CSNK1G3: variants seen among roughly 807,000 people sequenced by gnomAD.
CSNK1G3 encodes the protein casein kinase 1 gamma 3, also known as casein kinase I isoform gamma-3.
In CSNK1G3, 23 loss-of-function variants were observed where a neutral mutation model predicts 64.3. The observed-to-expected ratio is 0.36, with a 90% confidence interval of 0.26 to 0.51. The LOEUF is 0.51. Ranked by LOEUF, CSNK1G3 falls within the 20% of genes least tolerant of loss-of-function variation. The pLI is 0.96. For missense variants in CSNK1G3, 357 were observed against 510.5 expected (o/e 0.70, Z 2.90); for synonymous variants, 158 against 162.2 (o/e 0.97, Z 0.20).
At chr5:123,520,954 T>C (rs1189752304) in intron 1 of CSNK1G3, among the ~76,000 whole-genome samples, 2 of 152,198 alleles carry the variant, frequency 1.3e-5, no homozygotes, top group East Asian at 3.9e-4. Flanking sequence ...TAGCAATGAA[T>C]ACTTTCAAGT....
At chr5:123,514,684 A>T (rs1455388206) in intron 1 of CSNK1G3, among the ~76,000 whole-genome samples, 1 of 151,272 alleles carries the variant, frequency 6.6e-6, no homozygotes, top group Non-Finnish European at 1.5e-5. Flanking sequence ...GCCTTAACAT[A>T]GTTTAATAGG....
At chr5:123,608,955 G>A (rs12515732) in intron 12 of CSNK1G3, among the ~76,000 whole-genome samples, 57,235 of 152,008 alleles carry the variant, frequency 0.38, 11,838 homozygotes, top group East Asian at 0.66. Context: ...TGGGAAGATC[G>A]GAGAAGTCCT....
intron 1 of CSNK1G3, among the ~76,000 whole-genome samples, chr5:123,532,134 T>C (rs1329695569): frequency 2.6e-5 from 4 of 151,926 alleles, no homozygotes; most frequent in Non-Finnish European, 5.9e-5. Flanking sequence ...GCAACGGGTA[T>C]AATTTTAATG....
chr5:123,527,106 A>C (rs796477358), intron 1 of CSNK1G3, among the ~76,000 whole-genome samples: 25 of 152,278 alleles, frequency 1.6e-4, no homozygotes, highest in African/African-American at 5.8e-4. Context: ...ATTGCACACC[A>C]GCAATATTGG....
At chr5:123,583,446 C>A (rs547127950) in intron 6 of CSNK1G3, among the ~76,000 whole-genome samples, 4 of 152,100 alleles carry the variant, frequency 2.6e-5, no homozygotes, top group Non-Finnish European at 5.9e-5. Context: ...CCACAACCTC[C>A]GCCTCCCAGA....
chr5:123,535,066 C>T (rs920887842), intron 1 of CSNK1G3, among the ~76,000 whole-genome samples: 15 of 152,034 alleles, frequency 9.9e-5, no homozygotes, highest in African/African-American at 2.9e-4. Flanking sequence ...AAAATAAGTA[C>T]GATGTAGCGG....
intron 1 of CSNK1G3, among the ~76,000 whole-genome samples, chr5:123,528,493 T>C (rs1012334699): frequency 2.6e-5 from 4 of 152,202 alleles, no homozygotes; most frequent in African/African-American, 4.8e-5. Flanking sequence ...TTTTTTTCCT[T>C]GAGGACATCA....
intron 12 of CSNK1G3, among the ~76,000 whole-genome samples, chr5:123,606,660 C>G (rs1330328671): frequency 6.6e-6 from 1 of 152,168 alleles, no homozygotes; most frequent in Non-Finnish European, 1.5e-5. Context: ...TTTCTCATCT[C>G]TGTTCTTGGG....
chr5:123,530,226 AGGACCTATGAAAC>A (rs1779708727), intron 1 of CSNK1G3, among the ~76,000 whole-genome samples: 1 of 152,194 alleles, frequency 6.6e-6, no homozygotes, highest in African/African-American at 2.4e-5. Flanking sequence ...AGACATTTTG[AGGACCTATGAAAC>A]GGTCGTATTG....
intron 1 of CSNK1G3, among the ~76,000 whole-genome samples, chr5:123,542,687 T>A (rs1781861621): frequency 6.6e-6 from 1 of 152,164 alleles, no homozygotes; most frequent in African/African-American, 2.4e-5. Context: ...AAGTTTTTAT[T>A]CCCCCTTTCA....
intron 6 of CSNK1G3, among the ~76,000 whole-genome samples, chr5:123,577,932 T>G (rs1481900874): frequency 2.0e-5 from 3 of 151,984 alleles, no homozygotes; most frequent in African/African-American, 7.2e-5. Flanking sequence ...TCACAACAGA[T>G]GAGTTTTGCT....
At chr5:123,526,302 A>G (rs1337498536) in intron 1 of CSNK1G3, among the ~76,000 whole-genome samples, 2 of 152,010 alleles carry the variant, frequency 1.3e-5, no homozygotes. Flanking sequence ...TGATCCTCCT[A>G]CTCTGGCCTC....
intron 1 of CSNK1G3, among the ~76,000 whole-genome samples, chr5:123,545,065 G>T (rs1175828277): frequency 2.0e-5 from 3 of 151,964 alleles, no homozygotes; most frequent in Non-Finnish European, 4.4e-5. Context: ...CTTTTAAATT[G>T]AAAATCTTAT....
At chr5:123,590,340 TTAGA>T in intron 8 of CSNK1G3, 66 bp from the exon 9 acceptor site, 1 of 712,318 alleles carries the variant, frequency 1.4e-6, no homozygotes, top group Non-Finnish European at 2.0e-6. Flanking sequence ...CAATGTGCTT[TTAGA>T]TACTTAATTT....
intron 4 of CSNK1G3, among the ~76,000 whole-genome samples, chr5:123,558,064 CTG>C (rs1244695659): frequency 6.6e-6 from 1 of 152,280 alleles, no homozygotes; most frequent in East Asian, 1.9e-4. Flanking sequence ...GGCATTGTGA[CTG>C]TGGAGCAGAG....
At chr5:123,558,951 G>C (rs1447990101) in intron 4 of CSNK1G3, among the ~76,000 whole-genome samples, 1 of 152,098 alleles carries the variant, frequency 6.6e-6, no homozygotes, top group African/African-American at 2.4e-5. Context: ...TCTATGATAT[G>C]CCTTATGAGT....
chr5:123,576,039 G>T, intron 6 of CSNK1G3, 76 bp downstream of exon 6: 1 of 937,176 alleles, frequency 1.1e-6, no homozygotes, highest in Non-Finnish European at 1.6e-6. Context: ...ATTTGTTATG[G>T]TTCAGTTTTT....
At chr5:123,536,447 AAAAG>A (rs1194627962) in intron 1 of CSNK1G3, among the ~76,000 whole-genome samples, 1 of 151,372 alleles carries the variant, frequency 6.6e-6, no homozygotes, top group Non-Finnish European at 1.5e-5. Flanking sequence ...TTTTAAAAAA[AAAAG>A]CTTCTTAAAG....
In CSNK1G3 at chr5:123,595,023, A is replaced by G; in HGVS notation, c.1086+3609A>G. The G allele has an allele frequency of 1.9e-6, 3 of 1,610,190 alleles. No individual in the cohort carries two copies. Among genetic ancestry groups the G allele is most frequent in the Non-Finnish European group, 2.5e-6 (3 of 1,176,772 alleles). On this transcript the variant is annotated intron_variant, in intron 10 of 12. Transcript: ENST00000345990. ...TTCTTCTTCCATGCATGCCATATGC[A>G]TTAAATAAATGGCAGTCGGCAGACC...
Sources: gnomAD v4.1 joint callset for allele counts (sites outside exome capture counted in the v4.1 genomes callset) on GRCh38, gnomAD v4.1.1 for gene constraint, MANE v1.5 for transcripts, NCBI Gene and HGNC (gene_info 2026-07-23, HGNC 2026-07-21) for gene names.